The following AQR variants were observed in gnomAD, a reference collection of about 807,000 sequenced individuals.
AQR encodes the protein RNA helicase aquarius.
In AQR, 61 loss-of-function variants were observed where a neutral mutation model predicts 180.5. That is an observed-to-expected ratio of 0.34 (90% confidence interval 0.28 to 0.42). The LOEUF (loss-of-function observed/expected upper bound fraction) is 0.42. AQR is among the 10% of genes least tolerant of loss of function. The probability of loss-of-function intolerance (pLI) is 1.00; values close to 1 mark genes in which losing one functional copy is unlikely to be tolerated. For missense variants in AQR, 1,281 were observed against 1,798.3 expected, an observed-to-expected ratio of 0.71 and a Z score of 5.20; for synonymous variants, 551 against 588.8, an observed-to-expected ratio of 0.94 and a Z score of 0.93.
In AQR at chr15:34,927,109, G is replaced by T. The variant is rs757191131; in HGVS notation, c.1044C>A (p.Leu348=). Reference sequence around the variant, plus strand: ...CCACATTTGAGAGGGCAAAATCATAGAGTTCAGGAAAATGTGCAAAAGCAG... The same window carrying T: ...CCACATTTGAGAGGGCAAAATCATATAGTTCAGGAAAATGTGCAAAAGCAG... ...QRAAFAHFPE[L]YDFALSNVAE... Residue 348 remains leucine (L), a synonymous_variant, in exon 13 of 35, where the codon CTC becomes CTA. Transcript: ENST00000156471. 6.3e-7 allele frequency: 1 copy of T among 1,591,848 alleles called. No individual in the cohort carries two copies. The highest frequency in any genetic ancestry group is 1.2e-5 in the South Asian group (1 of 86,236).
intron 22 of AQR, among the ~76,000 whole-genome samples, 185 bp from the exon 23 acceptor site, chr15:34,893,958 T>C (rs1893193177): frequency 6.6e-6 from 1 of 151,810 alleles, no homozygotes; most frequent in South Asian, 2.1e-4. Flanking sequence ...CTACACAACC[T>C]GAATAACAGA....
intron 15 of AQR, among the ~76,000 whole-genome samples, chr15:34,917,716 T>C (rs527633245): frequency 2.0e-5 from 3 of 151,940 alleles, no homozygotes; most frequent in African/African-American, 7.2e-5. Flanking sequence ...GCTGCAGTGG[T>C]TCACACCTAT....
At chr15:34,880,951 A>G (rs557631549) in intron 27 of AQR, among the ~76,000 whole-genome samples, 2 of 152,214 alleles carry the variant, frequency 1.3e-5, no homozygotes, top group African/African-American at 2.4e-5. Context: ...TGATAAAAAT[A>G]AAACTTCAAA....
At chr15:34,859,352 T>A (rs1045462900) in intron 34 of AQR, among the ~76,000 whole-genome samples, 5 of 152,120 alleles carry the variant, frequency 3.3e-5, no homozygotes, top group African/African-American at 4.8e-5. Flanking sequence ...CTGAGACCAC[T>A]GTATATCTAT....
intron 24 of AQR, among the ~76,000 whole-genome samples, chr15:34,887,138 A>G (rs1468127854): frequency 4.6e-5 from 7 of 151,908 alleles, no homozygotes; most frequent in Non-Finnish European, 1.0e-4. Context: ...AAAAAAAAAG[A>G]AAAAGCTACT....
chr15:34,878,278 C>T (rs1006404745), intron 27 of AQR, among the ~76,000 whole-genome samples: 4 of 147,940 alleles, frequency 2.7e-5, no homozygotes, highest in African/African-American at 1.0e-4. Context: ...CCCAGCTACT[C>T]GGGAGGCTGA....
intron 3 of AQR, among the ~76,000 whole-genome samples, chr15:34,953,782 CTACAT>C (rs771732897): frequency 2.6e-5 from 4 of 152,188 alleles, no homozygotes; most frequent in Non-Finnish European, 5.9e-5. Context: ...ACACAAAACT[CTACAT>C]TAAATTTCTT....
intron 17 of AQR, 152 bp from the exon 18 acceptor site, chr15:34,906,864 G>C (rs1893426812): frequency 3.0e-6 from 2 of 674,014 alleles, no homozygotes; most frequent in Non-Finnish European, 4.7e-6. Context: ...ACACAATTAT[G>C]GGCTTTTCTA....
chr15:34,947,237 G>A (rs1416230322), intron 5 of AQR, among the ~76,000 whole-genome samples: 1 of 151,812 alleles, frequency 6.6e-6, no homozygotes, highest in Non-Finnish European at 1.5e-5. Flanking sequence ...TGTGAAACAT[G>A]TGCTGTATCC....
chr15:34,921,337 G>C (rs1055506917), intron 13 of AQR, among the ~76,000 whole-genome samples: 6 of 151,408 alleles, frequency 4.0e-5, no homozygotes, highest in Admixed American at 1.3e-4. Flanking sequence ...AGGAGGCTGA[G>C]GCAGGAGAAT....
Position 34,871,651 on chromosome 15 carries a change from A to T in AQR, c.3598-729T>A, listed in dbSNP as rs572252248. On this transcript the variant is annotated intron_variant, in intron 30 of 34. Transcript: ENST00000156471. ...CACCTAGCAGTATTATAATTGACTC[A>T]ATTTTTGCACAGTGCTTTTCCTCCT... 2.0e-5 allele frequency among the ~76,000 whole-genome samples: 3 copies of T among 152,262 alleles called. No individual in the cohort carries two copies. In the East Asian group the frequency reaches 5.8e-4, roughly 29 times the overall value.
chr15:34,879,357 G>A (rs556412215), intron 27 of AQR, among the ~76,000 whole-genome samples: 5 of 152,276 alleles, frequency 3.3e-5, no homozygotes, highest in Admixed American at 6.5e-5. Context: ...GCTTGCTTAC[G>A]TCACAACCCA....
chr15:34,944,039 AGAGT>A (rs1455578428), intron 6 of AQR, among the ~76,000 whole-genome samples: 1 of 152,202 alleles, frequency 6.6e-6, no homozygotes, highest in Non-Finnish European at 1.5e-5. Context: ...ATTTTTCTTA[AGAGT>A]CTAGATAGAA....
Position 34,905,854 on chromosome 15 carries a change from T to C in AQR, c.1831+691A>G, listed in dbSNP as rs181775743. On this transcript the variant is annotated intron_variant, in intron 18 of 34. Transcript: ENST00000156471. The stretch of plus-strand genomic sequence containing the variant: ...GAGTTCGAGACCAGCCTGGCCAACA[T>C]GGTGAAACTCTGTCTCTACTAAAAA... Among the ~76,000 whole-genome samples the C allele has an allele frequency of 4.0e-3, 602 of 152,120 alleles. 3 individuals carry two copies. The highest frequency in any genetic ancestry group is 0.011 in the Admixed American group (163 of 15,290).
In AQR at chr15:34,860,090, T is replaced by C; in HGVS notation, c.4095A>G (p.Val1365=). The C allele has an allele frequency of 3.9e-6, 6 of 1,526,482 alleles. No individual in the cohort carries two copies. Among genetic ancestry groups the C allele is most frequent in the Non-Finnish European group, 5.3e-6 (6 of 1,125,002 alleles). The allele number at this position is 1,526,482 out of a possible 1,614,324, so 94.6% of individuals were successfully genotyped here. The change falls in exon 34 of 35, where the codon GTA becomes GTG. Residue 1365 remains valine, a synonymous_variant. Transcript: ENST00000156471. ...IKNMPQMANF[V]YNMYMHLIQT... is the part of the protein sequence containing the mutation. ...GTATCAAATGCATGTACATGTTGTA[T>C]ACAAAGTTTGCCATCTGGGGCATAT... is the stretch of plus-strand genomic sequence containing the variant.
At chr15:34,894,550 C>T (rs960064799) in intron 22 of AQR, among the ~76,000 whole-genome samples, 2 of 151,812 alleles carry the variant, frequency 1.3e-5, no homozygotes, top group Non-Finnish European at 2.9e-5. Flanking sequence ...CCAGAGGAAA[C>T]TTGGAATATC....
At position 34,858,022 on chromosome 15, in the gene AQR, C is replaced by T. The variant is rs1290741800; in HGVS notation, c.4144-916G>A. Among the ~76,000 whole-genome samples the T allele has an allele frequency of 7.9e-5, 12 of 152,106 alleles. No homozygotes were observed. In the South Asian group the frequency reaches 1.5e-3, roughly 18 times the overall value. On this transcript the variant is annotated intron_variant, in intron 34 of 34. Coordinates refer to ENST00000156471, the MANE Select transcript of AQR (RefSeq NM_014691.3). ...TGACTGAGACAGAGTCCCACTCTGT[C>T]GCCCAAGCTGGAGTGCAGTGGTGCC...
intron 17 of AQR, among the ~76,000 whole-genome samples, chr15:34,908,528 G>T (rs531757856): frequency 2.6e-5 from 4 of 152,166 alleles, no homozygotes; most frequent in African/African-American, 9.6e-5. Flanking sequence ...ATAGGGGCTG[G>T]TTTTTGGCCC....
chr15:34,879,836 G>A (rs541192425), intron 27 of AQR, among the ~76,000 whole-genome samples: 1 of 152,092 alleles, frequency 6.6e-6, no homozygotes, highest in African/African-American at 2.4e-5. Flanking sequence ...TTAAGAGGGT[G>A]GGATCAGAAA....
Sources: gnomAD v4.1 joint callset for allele counts (sites outside exome capture counted in the v4.1 genomes callset) on GRCh38, gnomAD v4.1.1 for gene constraint, MANE v1.5 for transcripts, NCBI Gene and HGNC (gene_info 2026-07-23, HGNC 2026-07-21) for gene names.